The following GPR143 variants were observed in gnomAD, a reference collection of about 807,000 sequenced individuals.
The protein encoded by GPR143 is G-protein coupled receptor 143.
Under a neutral mutation model 27.6 loss-of-function variants are expected in GPR143, and 8 were observed. The ratio of observed to expected loss-of-function variants is 0.29; its 90% CI spans 0.17 to 0.52. GPR143 has a LOEUF of 0.52. Ranked by LOEUF, GPR143 falls within the 20% of genes least tolerant of loss-of-function variation. GPR143 has a pLI of 0.96. For missense variants in GPR143, 303 were observed against 343.1 expected (o/e 0.88, Z 0.92); for synonymous variants, 156 against 153.2 (o/e 1.02, Z -0.13).
chrX:9,731,452 A>C (rs905026445), intron 8 of GPR143, among the ~76,000 whole-genome samples: 2 of 110,923 alleles, frequency 1.8e-5, no homozygotes, highest in Non-Finnish European at 3.8e-5. Flanking sequence ...GATAATGGAA[A>C]AGTGCGGAAG....
In GPR143 at chrX:9,765,841, C is replaced by G; in HGVS notation, c.-24G>C. 7.5e-6 allele frequency: 8 copies of G among 1,064,022 alleles called. No homozygotes were observed. Among genetic ancestry groups the G allele is most frequent in the Non-Finnish European group, 9.7e-6 (8 of 823,965 alleles). The allele number at this position is 1,064,022 out of a possible 1,213,427, so 87.7% of individuals were successfully genotyped here. ...ATGGGCTGTGTTCGCGGACGCGGCT[C>G]GGGTGTGCCAGGACCCCGCCGGCCT... On this transcript the variant is annotated 5_prime_UTR_variant, in exon 1 of 9. Transcript: ENST00000467482.
chrX:9,770,193 C>T (rs886863856), upstream of GPR143, among the ~76,000 whole-genome samples: 4 of 94,950 alleles, frequency 4.2e-5, no homozygotes, highest in East Asian at 6.8e-4. Context: ...AAAAAAAAGC[C>T]GGGCTCAGTG....
intron 5 of GPR143, among the ~76,000 whole-genome samples, chrX:9,744,104 A>C (rs2083417136): frequency 9.0e-6 from 1 of 111,548 alleles, no homozygotes; most frequent in Non-Finnish European, 1.9e-5. Context: ...TGGGAGGCCA[A>C]GGTGGGTGGA....
intron 8 of GPR143, among the ~76,000 whole-genome samples, chrX:9,731,406 A>G (rs2083352683): frequency 9.1e-6 from 1 of 110,441 alleles, no homozygotes; most frequent in African/African-American, 3.3e-5. Context: ...GAAGAGAAAC[A>G]GTGGAGATGT....
chrX:9,744,809 C>T (rs1425425794), intron 5 of GPR143, among the ~76,000 whole-genome samples: 1 of 112,359 alleles, frequency 8.9e-6, no homozygotes, highest in Non-Finnish European at 1.9e-5. Flanking sequence ...GTATGAATGA[C>T]CCATGGTCCG....
chrX:9,777,919 T>G (rs1458091045), intron 1 of GPR143, among the ~76,000 whole-genome samples: 2 of 109,344 alleles, frequency 1.8e-5, no homozygotes, highest in Admixed American at 2.0e-4. Context: ...TGAAACCCCG[T>G]CTCTACTAAA....
In GPR143 at chrX:9,765,658, G is replaced by A; in HGVS notation, c.160C>T (p.Pro54Ser). The change falls in exon 1 of 9, where the codon CCC (proline) becomes TCC (serine). Residue 54 changes from proline to serine, a missense_variant. Transcript: ENST00000467482. ...GTCGCGGGGGACCCGGGGCCCGCGG[G>A]CCGGCGGCCGGGCAGCAGCTGCAGA... ...GLLQLLPGRR[P>S]AGPGSPATSP... is the part of the protein sequence containing the mutation. 1.0e-6 allele frequency: 1 copy of A among 989,893 alleles called. No individual in the cohort carries two copies. Among genetic ancestry groups the A allele is most frequent in the Non-Finnish European group, 1.3e-6 (1 of 789,268 alleles). The allele number at this position is 989,893 out of a possible 1,213,427, so 81.6% of individuals were successfully genotyped here. A position where few individuals can be genotyped will look rare whatever the true frequency, so the allele number is the denominator to read the frequency against.
Position 9,765,737 on chromosome X carries a change from C to T in GPR143, c.81G>A (p.Arg27=), listed in dbSNP as rs751927343. The T allele has an allele frequency of 1.5e-5, 17 of 1,123,958 alleles. No individual in the cohort carries two copies. In the African/African-American group the frequency reaches 2.1e-4, roughly 14 times the overall value. 92.6% of individuals were successfully genotyped at this position (1,123,958 alleles called of 1,213,427 possible). ...ATQLVLSFQP[R]AFHALCLGSG... Reference sequence around the variant, plus strand: ...TGCCCAGGCAGAGCGCGTGGAAGGCCCGCGGCTGGAAGCTCAGCACGAGCT... The same window carrying T: ...TGCCCAGGCAGAGCGCGTGGAAGGCTCGCGGCTGGAAGCTCAGCACGAGCT... The change falls in exon 1 of 9, where the codon CGG becomes CGA. Residue 27 remains arginine (R), a synonymous_variant. Transcript: ENST00000467482.
Position 9,765,666 on chromosome X carries a change from C to T in GPR143, c.152G>A (p.Gly51Asp), listed in dbSNP as rs1436877963. ...GGACCCGGGGCCCGCGGGCCGGCGG[C>T]CGGGCAGCAGCTGCAGAAGGCCCAG... The part of the protein sequence containing the change: ...LALGLLQLLP[G>D]RRPAGPGSPA... The change falls in exon 1 of 9, where the codon GGC becomes GAC. Residue 51 changes from glycine (G) to aspartate (D), a missense_variant. Transcript: ENST00000467482. 3 of 1,000,503 alleles carry T rather than the reference C, an allele frequency of 3.0e-6. No individual in the cohort carries two copies. In the South Asian group the frequency reaches 1.0e-4, roughly 35 times the overall value. The allele number at this position is 1,000,503 out of a possible 1,213,427, so 82.5% of individuals were successfully genotyped here. A position where few individuals can be genotyped will look rare whatever the true frequency, so the allele number is the denominator to read the frequency against.
At chrX:9,767,751 GAAC>G (rs1452306021), upstream of GPR143, among the ~76,000 whole-genome samples, 1 of 112,462 alleles carries the variant, frequency 8.9e-6, no homozygotes, top group Non-Finnish European at 1.9e-5. Flanking sequence ...AAGCACCATA[GAAC>G]TACTCCCCAA....
chrX:9,761,148 C>T (rs1335867580), intron 1 of GPR143, among the ~76,000 whole-genome samples: 3 of 110,828 alleles, frequency 2.7e-5, no homozygotes, highest in Non-Finnish European at 5.7e-5. Context: ...GGCTGCAGTA[C>T]AGTGGTAAAA....
Position 9,739,587 on chromosome X carries a change from C to A in GPR143, c.1018G>T (p.Ala340Ser). 1 of 1,208,766 alleles carries A rather than the reference C, an allele frequency of 8.3e-7. No homozygotes were observed. The highest frequency in any genetic ancestry group is 1.1e-6 in the Non-Finnish European group (1 of 893,051). Residue 340 changes from alanine to serine, a missense_variant, in exon 8 of 9, where the codon GCT becomes TCT. Coordinates refer to ENST00000467482, the MANE Select transcript of GPR143 (RefSeq NM_000273.3). ...ESLTTSAAEGAHPSPLMPHEN... is the reference protein window; with the variant it reads ...ESLTTSAAEGSHPSPLMPHEN... The stretch of plus-strand genomic sequence containing the variant: ...TGGGGCATCAGTGGGGATGGGTGAG[C>A]CCCCTCAGCAGCCGAGGTGGTCAGT...
intron 1 of GPR143, among the ~76,000 whole-genome samples, chrX:9,761,453 T>C (rs2083500256): frequency 8.9e-6 from 1 of 112,530 alleles, no homozygotes; most frequent in African/African-American, 3.2e-5. Flanking sequence ...CAAACCATAG[T>C]TGGCCACAGT....
chrX:9,733,076 G>C (rs1264738719), intron 8 of GPR143, among the ~76,000 whole-genome samples: 2 of 110,533 alleles, frequency 1.8e-5, no homozygotes, highest in Non-Finnish European at 3.8e-5. Flanking sequence ...GCTTTATCGT[G>C]GGAGAAAAAA....
intron 8 of GPR143, among the ~76,000 whole-genome samples, chrX:9,726,630 C>T (rs1327276411): frequency 8.9e-6 from 1 of 112,116 alleles, no homozygotes; most frequent in Non-Finnish European, 1.9e-5. Context: ...TTTCTCAGGC[C>T]TGGATTTCAT....
intron 3 of GPR143, among the ~76,000 whole-genome samples, chrX:9,752,772 G>A (rs1420503375): frequency 1.8e-5 from 2 of 111,589 alleles, no homozygotes; most frequent in Non-Finnish European, 3.8e-5. Context: ...CTTGAGCCCA[G>A]GAGTTGAAGG....
upstream of GPR143, among the ~76,000 whole-genome samples, chrX:9,766,923 A>T (rs867321355): frequency 6.6e-3 from 709 of 107,184 alleles, 11 homozygotes; most frequent in African/African-American, 0.023. Flanking sequence ...ACACACACAC[A>T]CACACACACA....
intron 3 of GPR143, among the ~76,000 whole-genome samples, chrX:9,749,443 G>C (rs1469772278): frequency 9.0e-6 from 1 of 110,503 alleles, no homozygotes; most frequent in Non-Finnish European, 1.9e-5. Context: ...ACTCCCCTTT[G>C]CCCATCCCCC....
chrX:9,762,011 C>T lies in GPR143; in HGVS notation c.251-1185G>A, dbSNP rs6640503. ...CTGAGGTGGGAGAATCGCTTGAGCC[C>T]GGAAGGCGGAGGTTGCAGTGAGTCG... is the stretch of plus-strand genomic sequence containing the variant. On this transcript the variant is annotated intron_variant, in intron 1 of 8. Coordinates refer to ENST00000467482, the MANE Select transcript of GPR143 (RefSeq NM_000273.3). Among the ~76,000 whole-genome samples, 15 of 111,810 alleles carry T rather than the reference C, an allele frequency of 1.3e-4. 1 individual carries two copies. In the East Asian group the frequency reaches 3.9e-3, roughly 29 times the overall value.
Sources: gnomAD v4.1 joint callset for allele counts (sites outside exome capture counted in the v4.1 genomes callset) on GRCh38, gnomAD v4.1.1 for gene constraint, MANE v1.5 for transcripts, NCBI Gene and HGNC (gene_info 2026-07-23, HGNC 2026-07-21) for gene names.